The following ARAP1 variants were observed in gnomAD, a reference collection of about 807,000 sequenced individuals.
ARAP1 encodes ArfGAP with RhoGAP domain, ankyrin repeat and PH domain 1, also known as arf-GAP with Rho-GAP domain, ANK repeat and PH domain-containing protein 1.
A neutral mutation model predicts 172.2 loss-of-function variants in ARAP1; 76 were observed. That is an observed-to-expected ratio of 0.44 (90% CI 0.37 to 0.53). The LOEUF is 0.53. Among genes scored for constraint, ARAP1 ranks in the 20% least tolerant of loss-of-function variants. The probability of loss-of-function intolerance (pLI) is 0.00; values close to 1 mark genes in which losing one functional copy is unlikely to be tolerated. For synonymous variants in ARAP1, 804 were observed against 803.3 expected, an observed-to-expected ratio of 1.00 and a Z score of -0.01; for missense variants, 1,686 against 1,977.5, an observed-to-expected ratio of 0.85 and a Z score of 2.80.
At chr11:72,747,555 CAGAGAGGTAGA>C (rs1858405128) in intron 1 of ARAP1, among the ~76,000 whole-genome samples, 1 of 152,206 alleles carries the variant, frequency 6.6e-6, no homozygotes, top group Admixed American at 6.5e-5. Context: ...AGGCCTCAAG[CAGAGAGGTAGA>C]ATGCAGGCCT....
rs1856370334 is a variant in ARAP1, at chr11:72,699,380, A to G, written c.2438+37T>C. ...TCTCCCCAGTGGGGGATTGTACCTT[A>G]TAGCAACCACAGTCTGATTTGCCCA... is the stretch of plus-strand genomic sequence containing the variant. On this transcript the variant is annotated intron_variant, in intron 17 of 34. Transcript: ENST00000393609. This position sits in a 1 kb window ranked among gnomAD's most constrained non-coding sequence, Gnocchi z 4.2. 1.2e-6 allele frequency: 2 copies of G among 1,613,370 alleles called. No homozygotes were observed. The highest frequency in any genetic ancestry group is 1.7e-5 in the Admixed American group (1 of 59,994).
In ARAP1 at chr11:72,727,111, A is replaced by G. The variant is rs759111215; in HGVS notation, c.18T>C (p.Asp6=). The change falls in exon 3 of 35, where the codon GAT becomes GAC. Residue 6 remains aspartate (D), a synonymous_variant. Coordinates refer to ENST00000393609, the MANE Select transcript of ARAP1 (RefSeq NM_001040118.3). ...GCCACTCGGCCACCGATAGCGCAGC[A>G]TCCCCAGCCTCTGCCATGGTTCCTG... The part of the protein sequence containing the change: MAEAG[D]AALSVAEWLR... 3.1e-6 allele frequency: 5 copies of G among 1,589,364 alleles called. No homozygotes were observed. In the South Asian group the frequency reaches 5.5e-5, roughly 18 times the overall value.
intron 5 of ARAP1, 92 bp downstream of exon 5, chr11:72,713,084 C>T: frequency 7.4e-7 from 1 of 1,342,756 alleles, no homozygotes; most frequent in Non-Finnish European, 1.0e-6. Flanking sequence ...AAATGGCTGC[C>T]CACTCTCTGT....
At chr11:72,718,421 G>T (rs1214922544) in intron 3 of ARAP1, among the ~76,000 whole-genome samples, 2 of 151,884 alleles carry the variant, frequency 1.3e-5, no homozygotes, top group African/African-American at 4.8e-5. Context: ...TCACCCACTG[G>T]ACCACGTCCT....
rs1368286140 is a variant in ARAP1, at chr11:72,695,221, G to C, written c.3577-124C>G. 1.6e-5 allele frequency: 21 copies of C among 1,333,264 alleles called. No homozygotes were observed. The highest frequency in any genetic ancestry group is 4.5e-4 in the Middle Eastern group (2 of 4,478). 82.6% of individuals were successfully genotyped at this position (1,333,264 alleles called of 1,614,324 possible). On this transcript the variant is annotated intron_variant, in intron 26 of 34. Transcript: ENST00000393609. This position sits in a 1 kb window ranked among gnomAD's most constrained non-coding sequence, Gnocchi z 4.4. ...CCCTTCTGGAGTCCTGGGATAGAGA[G>C]GGGTATTTCTGAGTGGTCCTTAGGA...
rs141094299 is a variant in ARAP1, at chr11:72,728,931, G to C, written c.-44-1759C>G. The stretch of plus-strand genomic sequence containing the variant: ...TTTTGAAGCTGATTTGAAATTTCAT[G>C]TGGAAAAATAAGCAGGAAGAGTGAG... On this transcript the variant is annotated intron_variant, in intron 2 of 34. Transcript: ENST00000393609. 1.1e-3 allele frequency among the ~76,000 whole-genome samples: 168 copies of C among 152,336 alleles called. 2 individuals are homozygous for C. In the Middle Eastern group the frequency reaches 0.048, roughly 43 times the overall value.
chr11:72,746,892 C>G (rs1858383952), intron 1 of ARAP1, among the ~76,000 whole-genome samples: 1 of 152,256 alleles, frequency 6.6e-6, no homozygotes, highest in Non-Finnish European at 1.5e-5. Context: ...CACCTGACTA[C>G]AGGCAGACCC....
At position 72,693,157 on chromosome 11, in the gene ARAP1, C is replaced by T. The variant is rs947051956; in HGVS notation, c.3954+168G>A. The T allele has an allele frequency of 9.9e-6, 11 of 1,113,478 alleles. No homozygotes were observed. The highest frequency in any genetic ancestry group is 1.2e-5 in the Non-Finnish European group (10 of 802,230). 69.0% of individuals were successfully genotyped at this position (1,113,478 alleles called of 1,614,324 possible). ...TACAGGGCACACTAGAGTGGCCGTC[C>T]AGGGCCACAGCAGGAGGGGTCTTGA... On this transcript the variant is annotated intron_variant, in intron 29 of 34. Transcript: ENST00000393609. The surrounding 1 kb of genome is among the most constrained non-coding windows in gnomAD (Gnocchi z 4.6).
intron 30 of ARAP1, among the ~76,000 whole-genome samples, chr11:72,690,276 G>A (rs1156692258): frequency 6.6e-6 from 1 of 152,198 alleles, no homozygotes; most frequent in East Asian, 1.9e-4. Flanking sequence ...GTGGCTCCAA[G>A]AATGAAAACA....
At chr11:72,714,368 A>G in intron 3 of ARAP1, 47 bp from the exon 4 acceptor site, 3 of 1,513,828 alleles carry the variant, frequency 2.0e-6, no homozygotes, top group Non-Finnish European at 2.7e-6. Flanking sequence ...CAGAGCCAAG[A>G]CTGAAACATA....
rs1317450240 is a variant in ARAP1 at position 72,726,223 on chromosome 11, ACATGTTG to A, written c.509+390_509+396del. Among the ~76,000 whole-genome samples, 7 of 151,704 alleles carry A rather than the reference ACATGTTG, an allele frequency of 4.6e-5. No individual in the cohort carries two copies. Among genetic ancestry groups the A allele is most frequent in the African/African-American group, 1.7e-4 (7 of 41,276 alleles). On this transcript the variant is annotated intron_variant, in intron 3 of 34. Coordinates refer to ENST00000393609, the MANE Select transcript of ARAP1 (RefSeq NM_001040118.3). The surrounding 1 kb of genome is among the most constrained non-coding windows in gnomAD (Gnocchi z 6.5). ...TACCCCGCAGCTTTCCGTTTCCTACACATGTTGCCTCTTGATGCCGGCATGGACCCCG... is the reference window on the plus strand; with the variant it reads ...TACCCCGCAGCTTTCCGTTTCCTACACCTCTTGATGCCGGCATGGACCCCG...
At chr11:72,689,655 T>A (rs1565208455) in intron 30 of ARAP1, 6 of 151,946 alleles carry the variant, frequency 3.9e-5, no homozygotes, top group Admixed American at 3.3e-4. Context: ...TCACAGGGGG[T>A]GTGGCTTAGG....
Position 72,741,786 on chromosome 11 carries a change from G to C in ARAP1, c.-127-9189C>G, listed in dbSNP as rs1243278556. On this transcript the variant is annotated intron_variant, in intron 1 of 34. Transcript: ENST00000393609. This position sits in a 1 kb window ranked among gnomAD's most constrained non-coding sequence, Gnocchi z 4.5. Reference sequence around the variant, plus strand: ...CAGACCCTCACCACGTGCCCTGGGGGCCGAGGGCCAGCACCCACCCTGCCC... The same window carrying C: ...CAGACCCTCACCACGTGCCCTGGGGCCCGAGGGCCAGCACCCACCCTGCCC... 1.3e-5 allele frequency among the ~76,000 whole-genome samples: 2 copies of C among 152,108 alleles called. No individual in the cohort carries two copies. The highest frequency in any genetic ancestry group is 4.1e-4 in the South Asian group (2 of 4,828).
At chr11:72,696,514 TC>T in intron 23 of ARAP1, 34 bp downstream of exon 23, 1 of 1,452,166 alleles carries the variant, frequency 6.9e-7, no homozygotes. Context: ...CTTCATCCCA[TC>T]CCCCCAGAAT....
chr11:72,741,510 C>T lies in ARAP1; in HGVS notation c.-127-8913G>A, dbSNP rs1858198645. ...CAGGCACAGACACACTCTACAGGGG[C>T]TGGGGACTTCCTGTGGCAACTCCTC... On this transcript the variant is annotated intron_variant, in intron 1 of 34. Transcript: ENST00000393609. The surrounding 1 kb of genome is among the most constrained non-coding windows in gnomAD (Gnocchi z 4.5). 6.6e-6 allele frequency among the ~76,000 whole-genome samples: 1 copy of T among 152,154 alleles called. No homozygotes were observed. The highest frequency in any genetic ancestry group is 2.4e-5 in the African/African-American group (1 of 41,438).
intron 1 of ARAP1, among the ~76,000 whole-genome samples, chr11:72,746,998 T>A (rs1400447176): frequency 6.6e-6 from 1 of 152,110 alleles, no homozygotes; most frequent in Non-Finnish European, 1.5e-5. Context: ...GGGGAGACCC[T>A]GGCACCTGGA....
At chr11:72,688,998 T>G in intron 30 of ARAP1, 1 of 160,046 alleles carries the variant, frequency 6.2e-6, no homozygotes, top group Admixed American at 6.2e-5. Context: ...ATTATTCATT[T>G]CTCAGCCCTC....
intron 1 of ARAP1, among the ~76,000 whole-genome samples, chr11:72,750,490 C>A (rs1289655649): frequency 1.3e-5 from 2 of 152,222 alleles, no homozygotes; most frequent in African/African-American, 2.4e-5. Context: ...CTCAGACACC[C>A]CCCCAACCCC....
In ARAP1 at chr11:72,697,595, C is replaced by T; in HGVS notation, c.2789+3G>A. ...AGAGCCCCTCAGGGAGGCCGTGGCT[C>T]ACCTCCTTCGCTCCACCAGCACCAG... On this transcript the variant is annotated splice_donor_region_variant and intron_variant, in intron 20 of 34. Coordinates refer to ENST00000393609, the MANE Select transcript of ARAP1 (RefSeq NM_001040118.3). 6.2e-7 allele frequency: 1 copy of T among 1,614,118 alleles called. No individual in the cohort carries two copies. The highest frequency in any genetic ancestry group is 1.7e-5 in the Admixed American group (1 of 60,016).
Sources: gnomAD v4.1 joint callset for allele counts (sites outside exome capture counted in the v4.1 genomes callset) on GRCh38, gnomAD v4.1.1 for gene constraint, Gnocchi (gnomAD v3.1) non-coding constraint, MANE v1.5 for transcripts, NCBI Gene and HGNC (gene_info 2026-07-23, HGNC 2026-07-21) for gene names.